The following PRKN variants were observed in gnomAD, a reference collection of about 807,000 sequenced individuals.
The protein encoded by PRKN is parkin RBR E3 ubiquitin protein ligase, also known as E3 ubiquitin-protein ligase parkin.
In PRKN, 56 loss-of-function variants were observed where a neutral mutation model predicts 59.5. That is an observed-to-expected ratio of 0.94 (90% CI 0.76 to 1.18). PRKN has a LOEUF of 1.18. Among genes scored for constraint, PRKN ranks in the 50% most tolerant of loss-of-function variants. The pLI, the probability that PRKN is intolerant of heterozygous loss-of-function variation, is 0.00. For missense variants in PRKN, 657 were observed against 596.4 expected (o/e 1.10, Z -1.06); for synonymous variants, 250 against 222.1 (o/e 1.13, Z -1.12).
At position 161,459,466 on chromosome 6, in the gene PRKN, G is replaced by T. The variant is rs1217411744; in HGVS notation, c.1084-72589C>A. On this transcript the variant is annotated intron_variant, in intron 9 of 11. Transcript: ENST00000366898. This position sits in a 1 kb window ranked among gnomAD's most constrained non-coding sequence, Gnocchi z 4.8. ...TTACAAATGGAGCCACCATTTCTTA[G>T]TGTGGAGTGCAGGGACCTGGTTCTG... Among the ~76,000 whole-genome samples the T allele has an allele frequency of 6.6e-6, 1 of 152,220 alleles. No individual in the cohort carries two copies. The highest frequency in any genetic ancestry group is 2.4e-5 in the African/African-American group (1 of 41,454).
At chr6:162,237,703 A>G (rs1257704028) in intron 3 of PRKN, among the ~76,000 whole-genome samples, 1 of 152,164 alleles carries the variant, frequency 6.6e-6, no homozygotes, top group Non-Finnish European at 1.5e-5. Flanking sequence ...AAAGGATTCA[A>G]AAAGGCAGTG....
intron 2 of PRKN, among the ~76,000 whole-genome samples, chr6:162,420,838 A>C (rs991436717): frequency 1.3e-5 from 2 of 152,210 alleles, no homozygotes; most frequent in African/African-American, 4.8e-5. Context: ...GAGCCAGAAA[A>C]GTCAGCAGCG....
chr6:161,569,477 T>C, intron 7 of PRKN, 61 bp from the exon 8 acceptor site: 1 of 1,400,640 alleles, frequency 7.1e-7, no homozygotes, highest in Non-Finnish European at 1.0e-6. Context: ...TTATATGTTC[T>C]TACACAGAGT....
At chr6:161,777,943 C>T (rs1790030789) in intron 7 of PRKN, among the ~76,000 whole-genome samples, 1 of 143,224 alleles carries the variant, frequency 7.0e-6, no homozygotes, top group African/African-American at 2.6e-5. Context: ...GTTAACAGTC[C>T]CAGGGGTTTA....
At chr6:161,590,735 CAAAA>C (rs367972243) in intron 7 of PRKN, among the ~76,000 whole-genome samples, 1 of 99,488 alleles carries the variant, frequency 1.0e-5, no homozygotes, top group Non-Finnish European at 2.1e-5. Context: ...GACTCTGTCT[CAAAA>C]AAAAAAAAAA....
chr6:161,467,943 C>G lies in PRKN; in HGVS notation c.1083+80911G>C, dbSNP rs1013425534. On this transcript the variant is annotated intron_variant, in intron 9 of 11. Transcript: ENST00000366898. The surrounding 1 kb of genome is among the most constrained non-coding windows in gnomAD (Gnocchi z 4.3). ...ATGTGAGAAAGAGTAAAATTCTATT[C>G]CTTCTCACTCCCTTAGCCTACACTT... Among the ~76,000 whole-genome samples, 4 of 151,852 alleles carry G rather than the reference C, an allele frequency of 2.6e-5. No homozygotes were observed. Among genetic ancestry groups the G allele is most frequent in the African/African-American group, 9.7e-5 (4 of 41,358 alleles).
chr6:162,584,496 A>G (rs1332183505), intron 1 of PRKN, among the ~76,000 whole-genome samples: 1 of 152,066 alleles, frequency 6.6e-6, no homozygotes, highest in African/African-American at 2.4e-5. Context: ...AGGGTATTTC[A>G]AAGTCCAGCC....
chr6:161,726,988 G>T (rs1396415523), intron 7 of PRKN, among the ~76,000 whole-genome samples: 1 of 152,150 alleles, frequency 6.6e-6, no homozygotes, highest in Non-Finnish European at 1.5e-5. Flanking sequence ...AGAAACAGGG[G>T]AAAGACCCTG....
At chr6:161,817,784 G>A (rs1791852179) in intron 6 of PRKN, among the ~76,000 whole-genome samples, 1 of 152,108 alleles carries the variant, frequency 6.6e-6, no homozygotes, top group Non-Finnish European at 1.5e-5. Flanking sequence ...GAATGACAAC[G>A]CTACTCCTAC....
chr6:162,372,398 C>G (rs1469241259), intron 2 of PRKN, among the ~76,000 whole-genome samples: 1 of 152,150 alleles, frequency 6.6e-6, no homozygotes, highest in Non-Finnish European at 1.5e-5. Flanking sequence ...ATTCACGGCG[C>G]TGAGTTTACT....
intron 10 of PRKN, among the ~76,000 whole-genome samples, chr6:161,383,416 T>C (rs762487024): frequency 7.2e-5 from 11 of 152,244 alleles, no homozygotes; most frequent in Admixed American, 1.3e-4. Flanking sequence ...CTCTCTGCTT[T>C]GCATCTGGAA....
intron 2 of PRKN, among the ~76,000 whole-genome samples, chr6:162,435,633 G>A (rs982335161): frequency 3.3e-5 from 5 of 152,100 alleles, no homozygotes; most frequent in South Asian, 2.1e-4. Flanking sequence ...TTACTAGTTC[G>A]TATAATAATG....
chr6:161,646,765 A>T (rs1012601819), intron 7 of PRKN, among the ~76,000 whole-genome samples: 9 of 152,140 alleles, frequency 5.9e-5, no homozygotes, highest in Non-Finnish European at 1.3e-4. Flanking sequence ...GGACCCTGGG[A>T]GTTGAATGCC....
At chr6:161,730,641 T>C (rs1787659914) in intron 7 of PRKN, among the ~76,000 whole-genome samples, 1 of 152,108 alleles carries the variant, frequency 6.6e-6, no homozygotes, top group Non-Finnish European at 1.5e-5. Context: ...TTCTTTCTGA[T>C]GTGTTGCCCT....
At chr6:162,685,263 C>G (rs1174754492) in intron 1 of PRKN, among the ~76,000 whole-genome samples, 1 of 152,100 alleles carries the variant, frequency 6.6e-6, no homozygotes, top group Non-Finnish European at 1.5e-5. Flanking sequence ...ATCTTTACAG[C>G]ACAGCTGGTC....
In PRKN at chr6:161,378,772, T is replaced by C. The variant is rs113210131; in HGVS notation, c.1167+8022A>G. 4.6e-3 allele frequency among the ~76,000 whole-genome samples: 699 copies of C among 152,224 alleles called. 5 individuals are homozygous for C. Among genetic ancestry groups the C allele is most frequent in the African/African-American group, 0.016 (668 of 41,534 alleles). On this transcript the variant is annotated intron_variant, in intron 10 of 11. Coordinates refer to ENST00000366898, the MANE Select transcript of PRKN (RefSeq NM_004562.3). The surrounding 1 kb of genome is among the most constrained non-coding windows in gnomAD (Gnocchi z 7.3). ...GTGATGTGGGCGCTATCCTCTAAGG[T>C]GAGATTTACACTCTGAATCAACAAC...
At chr6:162,007,862 T>A (rs910601896) in intron 5 of PRKN, among the ~76,000 whole-genome samples, 1 of 152,138 alleles carries the variant, frequency 6.6e-6, no homozygotes, top group Non-Finnish European at 1.5e-5. Context: ...AGAATCAATA[T>A]ACATCCAAAA....
intron 6 of PRKN, among the ~76,000 whole-genome samples, chr6:161,830,437 A>G (rs1204152983): frequency 6.6e-6 from 1 of 151,902 alleles, no homozygotes; most frequent in Non-Finnish European, 1.5e-5. Flanking sequence ...TGTTTTTAGT[A>G]GAGACAGTGT....
intron 6 of PRKN, among the ~76,000 whole-genome samples, chr6:161,897,762 A>G (rs930329475): frequency 6.6e-6 from 1 of 151,026 alleles, no homozygotes; most frequent in Non-Finnish European, 1.5e-5. Flanking sequence ...CGGGTGGATC[A>G]CGAGGTCAGG....
Sources: gnomAD v4.1 joint callset for allele counts (sites outside exome capture counted in the v4.1 genomes callset) on GRCh38, gnomAD v4.1.1 for gene constraint, Gnocchi (gnomAD v3.1) non-coding constraint, MANE v1.5 for transcripts, NCBI Gene and HGNC (gene_info 2026-07-23, HGNC 2026-07-21) for gene names.